MEGF11: variants seen among roughly 807,000 people sequenced by gnomAD.
MEGF11 encodes the protein multiple epidermal growth factor-like domains protein 11.
In MEGF11, 126 loss-of-function variants were observed where a neutral mutation model predicts 146.6. The observed-to-expected ratio is 0.86, with a 90% CI of 0.74 to 1.00. The LOEUF is 1.00. MEGF11 is among the 50% of genes least tolerant of loss of function. MEGF11 has a pLI of 0.00. For missense variants in MEGF11, 1,509 were observed against 1,521.2 expected (o/e 0.99, Z 0.13); for synonymous variants, 532 against 583.4 (o/e 0.91, Z 1.27).
At chr15:66,018,667 G>C (rs558250599) in intron 5 of MEGF11, among the ~76,000 whole-genome samples, 1 of 119,276 alleles carries the variant, frequency 8.4e-6, no homozygotes, top group Admixed American at 9.1e-5. Context: ...GCGTGGGTGA[G>C]GGTGTCTGCG....
At chr15:66,103,911 G>A (rs907755974) in intron 4 of MEGF11, among the ~76,000 whole-genome samples, 3 of 152,180 alleles carry the variant, frequency 2.0e-5, no homozygotes, top group Non-Finnish European at 2.9e-5. Context: ...GGTCCTGGTG[G>A]ATTTCACAGC....
At chr15:66,146,499 G>A (rs955425348) in intron 1 of MEGF11, among the ~76,000 whole-genome samples, 4 of 152,272 alleles carry the variant, frequency 2.6e-5, no homozygotes, top group Admixed American at 1.3e-4. Context: ...TCTGGAACGA[G>A]TTGTTTTTCA....
chr15:66,046,119 A>C (rs1006623266), intron 5 of MEGF11, among the ~76,000 whole-genome samples: 9 of 152,142 alleles, frequency 5.9e-5, no homozygotes, highest in African/African-American at 2.2e-4. Flanking sequence ...AGATTACTGT[A>C]TCTTCATTTT....
chr15:66,247,300 T>C (rs1216562889), intron 1 of MEGF11, among the ~76,000 whole-genome samples: 1 of 152,236 alleles, frequency 6.6e-6, no homozygotes, highest in Non-Finnish European at 1.5e-5. Flanking sequence ...TAGATGATTA[T>C]AAATTCTTTG....
At position 66,249,516 on chromosome 15, in the gene MEGF11, C is replaced by G. The variant is rs565372210; in HGVS notation, c.-9+4089G>C. Among the ~76,000 whole-genome samples the G allele has an allele frequency of 2.6e-5, 4 of 152,228 alleles. No homozygotes were observed. In the South Asian group the frequency reaches 6.2e-4, roughly 24 times the overall value. ...TTCCCTAATTATATTGCAATATATT[C>G]TCTCTGTGTATGTGCTGATGAAGAT... On this transcript the variant is annotated intron_variant, in intron 1 of 25. Coordinates refer to ENST00000395614, the MANE Select transcript of MEGF11 (RefSeq NM_001385028.1).
At chr15:65,907,546 C>T (rs2078667039) in intron 23 of MEGF11, among the ~76,000 whole-genome samples, 2 of 152,166 alleles carry the variant, frequency 1.3e-5, no homozygotes, top group Non-Finnish European at 2.9e-5. Flanking sequence ...CTGCCTGCCT[C>T]AGCCTCCCAA....
At chr15:65,952,437 G>A (rs2080441517) in intron 10 of MEGF11, among the ~76,000 whole-genome samples, 1 of 152,192 alleles carries the variant, frequency 6.6e-6, no homozygotes, top group Non-Finnish European at 1.5e-5. Context: ...TCAGCGGGGT[G>A]TGAAGAAAGG....
At chr15:66,164,640 T>C (rs2090049271) in intron 1 of MEGF11, among the ~76,000 whole-genome samples, 1 of 152,204 alleles carries the variant, frequency 6.6e-6, no homozygotes. Flanking sequence ...CTTCTACATA[T>C]GACCCCTCCA....
chr15:66,190,399 C>G (rs2141186799), intron 1 of MEGF11, among the ~76,000 whole-genome samples: 1 of 152,222 alleles, frequency 6.6e-6, no homozygotes, highest in Non-Finnish European at 1.5e-5. Context: ...TTTCTAGAAG[C>G]CAGGTCCAAG....
intron 5 of MEGF11, among the ~76,000 whole-genome samples, chr15:66,021,741 G>A (rs1169861202): frequency 6.6e-6 from 1 of 152,234 alleles, no homozygotes; most frequent in Non-Finnish European, 1.5e-5. Context: ...CTAAGACCCA[G>A]TTAGGCTGGT....
At chr15:66,061,254 C>A (rs932798785) in intron 5 of MEGF11, among the ~76,000 whole-genome samples, 1 of 152,226 alleles carries the variant, frequency 6.6e-6, no homozygotes, top group African/African-American at 2.4e-5. Context: ...ACCCTGACTT[C>A]ACAGAGCAGG....
intron 1 of MEGF11, among the ~76,000 whole-genome samples, chr15:66,245,013 G>A (rs567506593): frequency 2.6e-5 from 4 of 152,228 alleles, no homozygotes; most frequent in East Asian, 1.9e-4. Flanking sequence ...TTTGTGGTGC[G>A]GGCAATAATT....
At chr15:65,911,950 C>T (rs2078825357) in intron 21 of MEGF11, 132 bp downstream of exon 21, 1 of 430,730 alleles carries the variant, frequency 2.3e-6, no homozygotes. Flanking sequence ...TGCAAGGTTG[C>T]TTTTAATGTA....
intron 5 of MEGF11, among the ~76,000 whole-genome samples, chr15:66,093,604 A>G (rs571139884): frequency 1.3e-5 from 2 of 152,338 alleles, no homozygotes; most frequent in Admixed American, 1.3e-4. Context: ...ATCAAACAAG[A>G]CCATGATATT....
At chr15:66,014,563 G>A (rs559508471) in intron 5 of MEGF11, among the ~76,000 whole-genome samples, 1 of 152,258 alleles carries the variant, frequency 6.6e-6, no homozygotes, top group Non-Finnish European at 1.5e-5. Context: ...AGAGTGATAG[G>A]CACGAAAAAC....
intron 1 of MEGF11, among the ~76,000 whole-genome samples, chr15:66,163,868 C>T (rs998827449): frequency 3.9e-5 from 6 of 152,278 alleles, no homozygotes; most frequent in East Asian, 3.9e-4. Context: ...GGCACAGATG[C>T]GTCATATTCG....
chr15:66,130,176 A>C (rs1367366005), intron 1 of MEGF11, among the ~76,000 whole-genome samples: 1 of 152,306 alleles, frequency 6.6e-6, no homozygotes, highest in African/African-American at 2.4e-5. Context: ...TTCAACCTAG[A>C]GCAGAGAAAG....
chr15:66,223,992 G>A (rs745842960), intron 1 of MEGF11, among the ~76,000 whole-genome samples: 21 of 152,098 alleles, frequency 1.4e-4, no homozygotes, highest in Non-Finnish European at 2.4e-4. Flanking sequence ...GCCCAGGAAG[G>A]ACAGTACAGG....
intron 15 of MEGF11, 44 bp downstream of exon 15, chr15:65,922,294 A>G: frequency 6.3e-7 from 1 of 1,592,250 alleles, no homozygotes; most frequent in Non-Finnish European, 8.6e-7. Flanking sequence ...TCCTCCCAGA[A>G]CCTCTCACCT....
Sources: allele counts gnomAD v4.1 joint callset (sites outside exome capture counted in the v4.1 genomes callset), GRCh38; gene constraint gnomAD v4.1.1; transcripts MANE v1.5; gene names NCBI Gene and HGNC (gene_info 2026-07-23, HGNC 2026-07-21).